Variants in SATB1 observed in about 807,000 individuals in gnomAD.
SATB1 encodes DNA-binding protein SATB1.
In SATB1, 11 loss-of-function variants were observed where a neutral mutation model predicts 86.9. The observed-to-expected ratio is 0.13, with a 90% CI of 0.08 to 0.21. The LOEUF (loss-of-function observed/expected upper bound fraction) is 0.21, where lower values mean the gene tolerates loss of function less well. SATB1 is among the 10% of genes least tolerant of loss of function. The pLI, the probability that SATB1 is intolerant of heterozygous loss-of-function variation, is 1.00. For synonymous variants in SATB1, 357 were observed against 357.2 expected (o/e 1.00, Z 0.01); for missense variants, 551 against 937.6 (o/e 0.59, Z 5.39).
At chr3:18,371,519 C>T (rs955479342) in intron 9 of SATB1, among the ~76,000 whole-genome samples, 6 of 152,130 alleles carry the variant, frequency 3.9e-5, no homozygotes, top group African/African-American at 1.2e-4. Flanking sequence ...AAGATACCAT[C>T]GATATTCTTG....
chr3:18,345,634 G>A lies in SATB1; in HGVS notation c.*3536C>T, dbSNP rs1694013659. ...TTAAAAAGTCAAAAATATGCATAAA[G>A]AAGACTAGTATTGATATTTTCTGAT... On this transcript the variant is annotated 3_prime_UTR_variant, in exon 11 of 11. Transcript: ENST00000338745. The A allele has an allele frequency of 6.6e-6, 1 of 151,832 alleles. No individual in the cohort carries two copies. The highest frequency in any genetic ancestry group is 6.6e-5 in the Admixed American group (1 of 15,248). The allele number at this position is 151,832 out of a possible 1,614,324, so 9.4% of individuals were successfully genotyped here.
Position 18,417,031 on chromosome 3 carries a change from T to C in SATB1, c.259A>G (p.Ile87Val), listed in dbSNP as rs1450200788. ...FCVVEHYENA[I>V]EYDCKEEHAE... Reference sequence around the variant, plus strand: ...TGCTCCTCCTTGCAATCATATTCAATGGCGTTTTCATAATGTTCCACCACA... The same window carrying C: ...TGCTCCTCCTTGCAATCATATTCAACGGCGTTTTCATAATGTTCCACCACA... Residue 87 changes from isoleucine to valine, a missense_variant, in exon 3 of 11, where the codon ATT becomes GTT. Around this residue, in one of 8 missense-constraint regions of SATB1, gnomAD observed 153 missense variants for 258.1 expected, o/e 0.59. Transcript: ENST00000338745. The C allele has an allele frequency of 1.2e-6, 2 of 1,613,562 alleles. No individual in the cohort carries two copies. The highest frequency in any genetic ancestry group is 1.7e-5 in the Admixed American group (1 of 59,958).
At chr3:18,365,212 A>G (rs1695125204) in intron 9 of SATB1, among the ~76,000 whole-genome samples, 1 of 152,202 alleles carries the variant, frequency 6.6e-6, no homozygotes, top group Non-Finnish European at 1.5e-5. Flanking sequence ...TTGGGCTTAC[A>G]ATTTCTGAAT....
rs139099900 is a variant in SATB1, at chr3:18,436,093, T to C, written c.-25+696A>G. Among the ~76,000 whole-genome samples the C allele has an allele frequency of 5.7e-3, 869 of 152,262 alleles. 11 individuals are homozygous for C. Among genetic ancestry groups the C allele is most frequent in the African/African-American group, 0.02 (823 of 41,570 alleles). On this transcript the variant is annotated intron_variant, in intron 2 of 3. Coordinates refer to the SATB1 transcript ENST00000414509. ...TTGGATGCAGCTAACACAACCCTACTGCAATTTCAGAATTAGTTTTAAGGA... is the reference window on the plus strand; with the variant it reads ...TTGGATGCAGCTAACACAACCCTACCGCAATTTCAGAATTAGTTTTAAGGA...
chr3:18,349,762 G>T lies in SATB1; in HGVS notation c.1780-80C>A. 1.3e-6 allele frequency: 2 copies of T among 1,497,864 alleles called. No homozygotes were observed. Among genetic ancestry groups the T allele is most frequent in the Non-Finnish European group, 8.9e-7 (1 of 1,125,750 alleles). The allele number at this position is 1,497,864 out of a possible 1,614,324, so 92.8% of individuals were successfully genotyped here. A position where few individuals can be genotyped will look rare whatever the true frequency, so the allele number is the denominator to read the frequency against. On this transcript the variant is annotated intron_variant, in intron 10 of 10. Coordinates refer to ENST00000338745, the MANE Select transcript of SATB1 (RefSeq NM_002971.6). The surrounding 1 kb of genome is among the most constrained non-coding windows in gnomAD (Gnocchi z 5.5). Reference sequence around the variant, plus strand: ...AGCCGTCTCCAATCAGGAAAAATGTGGTCCCGGATCCTACATATAGCTTCT... The same window carrying T: ...AGCCGTCTCCAATCAGGAAAAATGTTGTCCCGGATCCTACATATAGCTTCT...
upstream of SATB1, among the ~76,000 whole-genome samples, chr3:18,443,333 C>T (rs1436308911): frequency 6.6e-6 from 1 of 152,222 alleles, no homozygotes; most frequent in African/African-American, 2.4e-5. The surrounding 1 kb of genome is among the most constrained non-coding windows in gnomAD (Gnocchi z 4.4). Flanking sequence ...GTAAGGTTCT[C>T]TCTGGGGAAT....
intron 8 of SATB1, among the ~76,000 whole-genome samples, chr3:18,382,154 T>C (rs1696097847): frequency 6.6e-6 from 1 of 152,212 alleles, no homozygotes; most frequent in Admixed American, 6.5e-5. Flanking sequence ...ATAGTGCAAC[T>C]ACCAGATTAA....
intron 2 of SATB1, 53 bp from the exon 3 acceptor site, chr3:18,417,131 C>G: frequency 6.4e-7 from 1 of 1,569,046 alleles, no homozygotes; most frequent in Non-Finnish European, 8.7e-7. Context: ...TTCAGAAATA[C>G]AGCTTGGGGG....
chr3:18,392,538 T>C (rs1008591214), intron 7 of SATB1, among the ~76,000 whole-genome samples: 2 of 150,392 alleles, frequency 1.3e-5, no homozygotes, highest in Non-Finnish European at 3.0e-5. Context: ...CCAGTAACTA[T>C]ATATATACAC....
chr3:18,407,730 AC>A (rs1697617562), intron 5 of SATB1, among the ~76,000 whole-genome samples: 1 of 152,006 alleles, frequency 6.6e-6, no homozygotes, highest in Admixed American at 6.6e-5. Context: ...GCAATGACAA[AC>A]AAAAACACAC....
At chr3:18,365,181 G>T (rs1695122596) in intron 9 of SATB1, among the ~76,000 whole-genome samples, 1 of 151,994 alleles carries the variant, frequency 6.6e-6, no homozygotes, top group Non-Finnish European at 1.5e-5. Flanking sequence ...TGTTTTCCTG[G>T]TCCTGTTACA....
intron 5 of SATB1, among the ~76,000 whole-genome samples, chr3:18,401,312 C>T (rs1169967337): frequency 2.6e-5 from 4 of 152,132 alleles, no homozygotes; most frequent in African/African-American, 4.8e-5. Flanking sequence ...AACTATGACA[C>T]GAATCTTTCA....
chr3:18,438,316 T>C (rs1246179943), intron 1 of SATB1, among the ~76,000 whole-genome samples: 1 of 152,202 alleles, frequency 6.6e-6, no homozygotes, highest in African/African-American at 2.4e-5. Context: ...GATTACTGAC[T>C]ACCTTTTCTT....
At chr3:18,441,596 T>C (rs907887138), upstream of SATB1, among the ~76,000 whole-genome samples, 2 of 152,198 alleles carry the variant, frequency 1.3e-5, no homozygotes, top group Non-Finnish European at 2.9e-5. Context: ...TATCTATGTA[T>C]AGCCCTTTTG....
upstream of SATB1, among the ~76,000 whole-genome samples, chr3:18,426,270 C>A (rs1427541266): frequency 1.3e-5 from 2 of 152,186 alleles, no homozygotes; most frequent in Non-Finnish European, 2.9e-5. This position sits in a 1 kb window ranked among gnomAD's most constrained non-coding sequence, Gnocchi z 4.2. Flanking sequence ...GACGTTGGTT[C>A]AAATCGCCCT....
At chr3:18,399,686 C>T (rs1697151005) in intron 5 of SATB1, among the ~76,000 whole-genome samples, 1 of 152,232 alleles carries the variant, frequency 6.6e-6, no homozygotes. Context: ...TTAGGAAACT[C>T]TGATTAATGT....
At chr3:18,393,884 C>T (rs1484738063) in intron 7 of SATB1, among the ~76,000 whole-genome samples, 1 of 152,144 alleles carries the variant, frequency 6.6e-6, no homozygotes, top group East Asian at 1.9e-4. Context: ...CATGAGGGAG[C>T]GCACACAGCT....
At chr3:18,420,557 A>AG in intron 2 of SATB1, 200 bp downstream of exon 2, 1 of 586,958 alleles carries the variant, frequency 1.7e-6, no homozygotes, top group South Asian at 2.0e-5. Flanking sequence ...AGTCTACAGT[A>AG]GAACGCTCCA....
rs1276979704 is a variant in SATB1 at position 18,349,034 on chromosome 3, T to C, written c.*136A>G. The C allele has an allele frequency of 1.4e-6, 2 of 1,419,162 alleles. No homozygotes were observed. The highest frequency in any genetic ancestry group is 2.8e-5 in the Admixed American group (1 of 35,998). The allele number at this position is 1,419,162 out of a possible 1,614,324, so 87.9% of individuals were successfully genotyped here. A position where few individuals can be genotyped will look rare whatever the true frequency, so the allele number is the denominator to read the frequency against. On this transcript the variant is annotated 3_prime_UTR_variant, in exon 11 of 11. Coordinates refer to ENST00000338745, the MANE Select transcript of SATB1 (RefSeq NM_002971.6). This position sits in a 1 kb window ranked among gnomAD's most constrained non-coding sequence, Gnocchi z 5.5. ...AGTCTGTATTATCCTTTTCCAACTT[T>C]TCTGTTTGTGCAAGTTTTTGAAGAT...
Sources: gnomAD v4.1 joint callset for allele counts (sites outside exome capture counted in the v4.1 genomes callset) on GRCh38, gnomAD v4.1.1 for gene constraint, gnomAD v4.1.1 regional missense constraint, Gnocchi (gnomAD v3.1) non-coding constraint, MANE v1.5 for transcripts, NCBI Gene and HGNC (gene_info 2026-07-23, HGNC 2026-07-21) for gene names.